BUB1: variants seen among roughly 807,000 people sequenced by gnomAD.
BUB1 encodes the protein mitotic checkpoint serine/threonine-protein kinase BUB1.
A neutral mutation model predicts 135.2 loss-of-function variants in BUB1; 84 were observed. The observed-to-expected ratio is 0.62, with a 90% CI of 0.52 to 0.74. The LOEUF (loss-of-function observed/expected upper bound fraction) is 0.74. BUB1 is among the 30% of genes least tolerant of loss of function. The pLI is 0.00. For synonymous variants in BUB1, 403 were observed against 434.4 expected, an observed-to-expected ratio of 0.93 and a Z score of 0.90; for missense variants, 1,162 against 1,288.3, an observed-to-expected ratio of 0.90 and a Z score of 1.50.
At position 110,642,137 on chromosome 2, in the gene BUB1, T is replaced by C; in HGVS notation, c.2445A>G (p.Lys815=). 2.5e-6 allele frequency: 4 copies of C among 1,609,516 alleles called. No individual in the cohort carries two copies. Among genetic ancestry groups the C allele is most frequent in the Non-Finnish European group, 3.4e-6 (4 of 1,178,244 alleles). ...CATTTACCTTTAAAACAAATTTCTG[T>C]TTATTTTTAGCATCATTCAGATCTC... ...TQGDLNDAKN[K]QKFVLKVQKP... is the part of the protein sequence containing the mutation. The change falls in exon 20 of 25, where the codon AAA becomes AAG. Residue 815 remains lysine (K), a synonymous_variant. Transcript: ENST00000302759.
At chr2:110,655,702 T>A (rs375993451) in intron 16 of BUB1, 37 bp downstream of exon 16, 2 of 1,462,880 alleles carry the variant, frequency 1.4e-6, no homozygotes, top group Non-Finnish European at 1.8e-6. Context: ...GAATCAAAGT[T>A]GGCAGAAGAC....
intron 9 of BUB1, among the ~76,000 whole-genome samples, chr2:110,665,272 G>C (rs1302278094): frequency 1.3e-5 from 2 of 152,138 alleles, no homozygotes; most frequent in Non-Finnish European, 2.9e-5. Context: ...AACTATAGCA[G>C]TTAGCAATAA....
chr2:110,674,416 G>A, intron 1 of BUB1, 51 bp from the exon 2 acceptor site: 1 of 1,534,370 alleles, frequency 6.5e-7, no homozygotes, highest in Middle Eastern at 1.7e-4. Flanking sequence ...ATTTCTACAA[G>A]CAAAAGATAT....
intron 11 of BUB1, among the ~76,000 whole-genome samples, chr2:110,659,491 C>T (rs1333805470): frequency 6.6e-6 from 1 of 152,102 alleles, no homozygotes; most frequent in Non-Finnish European, 1.5e-5. Context: ...GTTAATGAAC[C>T]TCCAGCTATT....
intron 4 of BUB1, among the ~76,000 whole-genome samples, chr2:110,671,422 T>G (rs1277781861): frequency 6.6e-6 from 1 of 152,164 alleles, no homozygotes; most frequent in Non-Finnish European, 1.5e-5. Context: ...TTTATTATAC[T>G]AATTTTTTCT....
chr2:110,668,445 C>T (rs1690326565), intron 6 of BUB1, among the ~76,000 whole-genome samples: 1 of 152,188 alleles, frequency 6.6e-6, no homozygotes, highest in African/African-American at 2.4e-5. Context: ...GCTGCACTAC[C>T]TGTCAAAGTC....
intron 17 of BUB1, among the ~76,000 whole-genome samples, chr2:110,651,085 C>T (rs1013113972): frequency 2.6e-5 from 4 of 152,060 alleles, no homozygotes; most frequent in East Asian, 1.9e-4. Flanking sequence ...TGCATCTATG[C>T]GACACTACTA....
chr2:110,669,432 A>G (rs1250181725), intron 6 of BUB1, 21 bp downstream of exon 6: 2 of 1,525,722 alleles, frequency 1.3e-6, no homozygotes, highest in South Asian at 2.2e-5. Flanking sequence ...TTTCCACACA[A>G]GCTACAAATG....
intron 17 of BUB1, among the ~76,000 whole-genome samples, chr2:110,651,169 A>C (rs1689775612): frequency 6.6e-6 from 1 of 152,184 alleles, no homozygotes; most frequent in African/African-American, 2.4e-5. Flanking sequence ...AGAAAATGTC[A>C]ATCACAATAC....
intron 10 of BUB1, among the ~76,000 whole-genome samples, 196 bp from the exon 11 acceptor site, chr2:110,660,232 G>A (rs576992920): frequency 2.8e-4 from 42 of 152,120 alleles, no homozygotes; most frequent in East Asian, 5.8e-4. Context: ...AAACATTAGC[G>A]GGGTGTGCTG....
intron 19 of BUB1, among the ~76,000 whole-genome samples, chr2:110,645,747 T>C (rs1004726093): frequency 2.0e-5 from 3 of 152,028 alleles, no homozygotes; most frequent in Non-Finnish European, 4.4e-5. Context: ...AAAAAAATAT[T>C]TGTAGAGACA....
chr2:110,671,291 G>C (rs1690413803), intron 4 of BUB1, among the ~76,000 whole-genome samples: 1 of 152,184 alleles, frequency 6.6e-6, no homozygotes, highest in Non-Finnish European at 1.5e-5. Flanking sequence ...TAAGATTTTA[G>C]AGATGTTTAC....
chr2:110,666,035 T>A (rs1574331537), intron 9 of BUB1: 1 of 383,092 alleles, frequency 2.6e-6, no homozygotes, highest in Admixed American at 4.5e-5. Context: ...CATGAATATA[T>A]AGACATGTAC....
chr2:110,641,949 G>A, intron 20 of BUB1, 146 bp from the exon 21 acceptor site: 1 of 1,110,194 alleles, frequency 9.0e-7, no homozygotes, highest in East Asian at 2.4e-5. Flanking sequence ...CTTGCTCCAA[G>A]ACAATTTTAG....
Position 110,641,795 on chromosome 2 carries a change from CT to C in BUB1, c.2471del (p.Lys824SerfsTer14). On this transcript the variant is annotated frameshift_variant, in exon 21 of 25. Transcript: ENST00000302759. LOFTEE classifies it high-confidence loss of function. ...TGTAGAATTCCCAGGGGTTGGCAGGCTTTTGGACCTGCAAATCAGGTATGTG... is the reference window on the plus strand; with the variant it reads ...TGTAGAATTCCCAGGGGTTGGCAGGCTTTGGACCTGCAAATCAGGTATGTG... ...NKQKFVLKVQ[K>X]PANPWEFYIG... 1 of 1,602,464 alleles carries C rather than the reference CT, an allele frequency of 6.2e-7. No homozygotes were observed.
At position 110,666,418 on chromosome 2, in the gene BUB1, T is replaced by G; in HGVS notation, c.806-4A>C. The G allele has an allele frequency of 2.2e-6, 3 of 1,386,140 alleles. No individual in the cohort carries two copies. Among genetic ancestry groups the G allele is most frequent in the Non-Finnish European group, 2.8e-6 (3 of 1,058,032 alleles). 85.9% of individuals were successfully genotyped at this position (1,386,140 alleles called of 1,614,324 possible). ...ATATAATGTCTGTCTTCATTTACTT[T>G]AGGAAAGATAGAAATGGTTTGCATG... On this transcript the variant is annotated splice_region_variant and splice_polypyrimidine_tract_variant and intron_variant, in intron 8 of 24. Coordinates refer to ENST00000302759, the MANE Select transcript of BUB1 (RefSeq NM_004336.5).
chr2:110,660,070 A>G (rs772799962), intron 10 of BUB1, 34 bp from the exon 11 acceptor site: 1 of 1,574,846 alleles, frequency 6.3e-7, no homozygotes. Context: ...ACACTAGAGA[A>G]TAAAATGCTT....
At chr2:110,671,995 G>A (rs1481331711) in intron 4 of BUB1, among the ~76,000 whole-genome samples, 1 of 152,234 alleles carries the variant, frequency 6.6e-6, no homozygotes, top group Non-Finnish European at 1.5e-5. Flanking sequence ...GGCCGAGTGA[G>A]GCAGGAAGAT....
At chr2:110,653,666 T>G (rs1689843893) in intron 16 of BUB1, 143 bp from the exon 17 acceptor site, 1 of 710,804 alleles carries the variant, frequency 1.4e-6, no homozygotes. Flanking sequence ...CATTGTAAAA[T>G]GTATAATAAG....
Sources: allele counts gnomAD v4.1 joint callset (sites outside exome capture counted in the v4.1 genomes callset), GRCh38; gene constraint gnomAD v4.1.1; transcripts MANE v1.5; gene names NCBI Gene and HGNC (gene_info 2026-07-23, HGNC 2026-07-21).